STAG2: variants seen among roughly 807,000 people sequenced by gnomAD.
The protein encoded by STAG2 is cohesin subunit SA-2.
STAG2 carries 14 observed loss-of-function variants against 108.1 expected under a neutral mutation model. That is an observed-to-expected ratio of 0.13 (90% CI 0.09 to 0.20). STAG2 has a LOEUF of 0.20. Among genes scored for constraint, STAG2 ranks in the 10% least tolerant of loss-of-function variants. The pLI is 1.00. For synonymous variants in STAG2, 307 were observed against 302.7 expected, an observed-to-expected ratio of 1.01 and a Z score of -0.15; for missense variants, 440 against 940.9, an observed-to-expected ratio of 0.47 and a Z score of 6.96.
rs142571900 is a variant in STAG2 at position 124,056,179 on chromosome X, G to C, written c.1248G>C (p.Leu416=). The change falls in exon 14 of 35, where the codon CTG becomes CTC. Residue 416 remains leucine (L), a synonymous_variant. Coordinates refer to ENST00000371145, the MANE Select transcript of STAG2 (RefSeq NM_001042750.2). ...TAEDCENVYH[L]VYSAHRPVAV... is the part of the protein sequence containing the mutation. ...AAGATTGTGAAAATGTCTATCATCT[G>C]GTTTATTCAGCTCACCGGCCAGTAG... The C allele has an allele frequency of 7.0e-5, 84 of 1,206,338 alleles. No homozygotes were observed. In the African/African-American group the frequency reaches 1.4e-3, roughly 20 times the overall value.
chrX:123,988,952 GTC>G (rs2055321242), intron 1 of STAG2, among the ~76,000 whole-genome samples: 1 of 111,009 alleles, frequency 9.0e-6, no homozygotes, highest in Non-Finnish European at 1.9e-5. Flanking sequence ...TGTCTTGCCT[GTC>G]TCTCCCACCA....
intron 1 of STAG2, among the ~76,000 whole-genome samples, chrX:124,012,741 T>C (rs2056560846): frequency 8.9e-6 from 1 of 112,263 alleles, no homozygotes; most frequent in Non-Finnish European, 1.9e-5. Context: ...AAATTTTGGG[T>C]TAAAATTTTT....
At position 124,022,527 on chromosome X, in the gene STAG2, A is replaced by T; in HGVS notation, c.-97-4A>T. On this transcript the variant is annotated splice_polypyrimidine_tract_variant and splice_region_variant and intron_variant, in intron 2 of 34. Coordinates refer to ENST00000371145, the MANE Select transcript of STAG2 (RefSeq NM_001042750.2). ...TAATAAATGTCATTTTCTCCTTTTT[A>T]AAGGAATTGTCTTAGAAGAAAGAAG... 1 of 639,576 alleles carries T rather than the reference A, an allele frequency of 1.6e-6. No individual in the cohort carries two copies. The allele number at this position is 639,576 out of a possible 1,213,427, so 52.7% of individuals were successfully genotyped here.
intron 3 of STAG2, among the ~76,000 whole-genome samples, chrX:124,023,366 T>G (rs2056990562): frequency 9.0e-6 from 1 of 111,434 alleles, no homozygotes. Flanking sequence ...AAAGAGAGTT[T>G]AGTTGCTAAA....
chrX:124,046,014 T>C (rs1041642419), intron 8 of STAG2, among the ~76,000 whole-genome samples: 1 of 111,467 alleles, frequency 9.0e-6, no homozygotes, highest in Non-Finnish European at 1.9e-5. Flanking sequence ...TGAAATAAGG[T>C]ATATTTTTAT....
At chrX:124,061,656 G>T (rs2148307183) in intron 16 of STAG2, 115 bp from the exon 17 acceptor site, 3 of 558,858 alleles carry the variant, frequency 5.4e-6, no homozygotes, top group Non-Finnish European at 5.4e-6. Flanking sequence ...AGTACCTTAG[G>T]GCAGATTCTG....
intron 13 of STAG2, among the ~76,000 whole-genome samples, chrX:124,055,385 A>G (rs946389517): frequency 8.9e-6 from 1 of 112,364 alleles, no homozygotes; most frequent in Non-Finnish European, 1.9e-5. Flanking sequence ...ACAGTAGACT[A>G]GAAGCATATT....
At chrX:124,087,791 A>G (rs2059143090) in intron 30 of STAG2, among the ~76,000 whole-genome samples, 1 of 112,544 alleles carries the variant, frequency 8.9e-6, no homozygotes, top group Admixed American at 9.4e-5. Context: ...TTGGGGCCAT[A>G]TTTTTAAATT....
intron 1 of STAG2, among the ~76,000 whole-genome samples, chrX:123,963,815 A>G (rs767027033): frequency 1.5e-4 from 17 of 111,840 alleles, no homozygotes; most frequent in African/African-American, 5.5e-4. Context: ...ATCACCTACC[A>G]AAGAATTGTG....
At chrX:124,064,099 C>G (rs760386100) in intron 20 of STAG2, 48 bp downstream of exon 20, 2 of 940,083 alleles carry the variant, frequency 2.1e-6, no homozygotes, top group Non-Finnish European at 3.0e-6. Flanking sequence ...AGCCCCTCTA[C>G]TGCAGTAAGC....
intron 7 of STAG2, among the ~76,000 whole-genome samples, chrX:124,043,193 G>T (rs1382424919): frequency 9.6e-6 from 1 of 104,640 alleles, no homozygotes; most frequent in Admixed American, 1.0e-4. Context: ...GAGTGCAGTG[G>T]CATGATCTCA....
At chrX:124,071,042 T>C (rs763795426) in intron 24 of STAG2, 107 bp from the exon 25 acceptor site, 10 of 585,892 alleles carry the variant, frequency 1.7e-5, no homozygotes, top group South Asian at 6.8e-5. Context: ...TTTTTAAATA[T>C]AGAAAGTTGG....
intron 27 of STAG2, 46 bp from the exon 28 acceptor site, chrX:124,081,334 C>T (rs2058957679): frequency 1.1e-6 from 1 of 890,123 alleles, no homozygotes; most frequent in Admixed American, 3.4e-5. Flanking sequence ...AGATGTTAAT[C>T]TCCAGGTATT....
At chrX:123,984,378 C>G (rs1255381089) in intron 1 of STAG2, among the ~76,000 whole-genome samples, 1 of 111,698 alleles carries the variant, frequency 9.0e-6, no homozygotes, top group East Asian at 2.8e-4. Context: ...TGTTACATTA[C>G]ATTTAAATGC....
chrX:124,071,971 G>A (rs974016265), intron 25 of STAG2, among the ~76,000 whole-genome samples: 2 of 111,024 alleles, frequency 1.8e-5, no homozygotes, highest in African/African-American at 6.5e-5. Context: ...GATATTTGGC[G>A]GCATCTTTCT....
At chrX:123,991,755 C>T (rs1160409460) in intron 1 of STAG2, among the ~76,000 whole-genome samples, 3 of 110,870 alleles carry the variant, frequency 2.7e-5, no homozygotes, top group African/African-American at 6.6e-5. Flanking sequence ...ACCTCCGCCT[C>T]CCGGGTTCAA....
At chrX:123,968,894 CAGAG>C (rs1467421302) in intron 1 of STAG2, among the ~76,000 whole-genome samples, 1 of 111,742 alleles carries the variant, frequency 8.9e-6, no homozygotes, top group Non-Finnish European at 1.9e-5. Context: ...TTGACGCTCT[CAGAG>C]AGTAAATGCC....
At chrX:124,054,388 G>A (rs1404368319) in intron 13 of STAG2, among the ~76,000 whole-genome samples, 1 of 111,927 alleles carries the variant, frequency 8.9e-6, no homozygotes, top group Non-Finnish European at 1.9e-5. Flanking sequence ...TACAGATATT[G>A]ACAATTCAGG....
Position 124,006,946 on chromosome X carries a change from A to G in STAG2, c.-162-14421A>G, listed in dbSNP as rs1417179122. Among the ~76,000 whole-genome samples, 4 of 111,372 alleles carry G rather than the reference A, an allele frequency of 3.6e-5. No homozygotes were observed. In the Admixed American group the frequency reaches 3.8e-4, roughly 11 times the overall value. On this transcript the variant is annotated intron_variant, in intron 1 of 34. Transcript: ENST00000371145. ...GTATAAAGAAAATAACTTCAGAAAAACAGAATTAGTGTAGCAGACAACAGA... is the reference window on the plus strand; with the variant it reads ...GTATAAAGAAAATAACTTCAGAAAAGCAGAATTAGTGTAGCAGACAACAGA...
Sources: allele counts gnomAD v4.1 joint callset (sites outside exome capture counted in the v4.1 genomes callset), GRCh38; gene constraint gnomAD v4.1.1; transcripts MANE v1.5; gene names NCBI Gene and HGNC (gene_info 2026-07-23, HGNC 2026-07-21).